The following XRCC5 variants were observed in gnomAD, a reference collection of about 807,000 sequenced individuals.
The protein encoded by XRCC5 is DNA repair protein Ku80.
Under a neutral mutation model 95.7 loss-of-function variants are expected in XRCC5, and 12 were observed. The observed-to-expected ratio is 0.13, with a 90% CI of 0.08 to 0.20. The LOEUF is 0.20. Ranked by LOEUF, XRCC5 falls within the 10% of genes least tolerant of loss-of-function variation. The pLI is 1.00. For synonymous variants in XRCC5, 281 were observed against 290.3 expected (o/e 0.97, Z 0.33); for missense variants, 595 against 873.9 (o/e 0.68, Z 4.02).
At chr2:216,161,628 C>T (rs1034622546) in intron 15 of XRCC5, among the ~76,000 whole-genome samples, 2 of 152,222 alleles carry the variant, frequency 1.3e-5, no homozygotes, top group African/African-American at 2.4e-5. Flanking sequence ...GCAGAATCCT[C>T]GGCTTTCTAA....
chr2:216,175,149 A>C, intron 16 of XRCC5: 1 of 339,384 alleles, frequency 2.9e-6, no homozygotes. Context: ...TGTGGTTTTC[A>C]TATCCTGGTT....
At chr2:216,185,444 T>G (rs1309248432) in intron 16 of XRCC5, among the ~76,000 whole-genome samples, 1 of 152,260 alleles carries the variant, frequency 6.6e-6, no homozygotes, top group African/African-American at 2.4e-5. Context: ...TTTATAAGTT[T>G]CTGGCTTAAA....
Position 216,196,549 on chromosome 2 carries a change from T to G in XRCC5, c.2109+1563T>G, listed in dbSNP as rs149088562. ...ATGCACATACACACACACATATATA[T>G]AGAGAGAGAGATTTATTGGCTGAAT... On this transcript the variant is annotated intron_variant, in intron 19 of 20. Transcript: ENST00000392132. Among the ~76,000 whole-genome samples the G allele has an allele frequency of 2.5e-3, 388 of 152,274 alleles. 1 individual carries two copies. The highest frequency in any genetic ancestry group is 6.8e-3 in the Middle Eastern group (2 of 294).
At chr2:216,201,235 A>T (rs958092221) in intron 19 of XRCC5, among the ~76,000 whole-genome samples, 2 of 152,192 alleles carry the variant, frequency 1.3e-5, no homozygotes, top group Non-Finnish European at 2.9e-5. Context: ...CATTAATGAA[A>T]CCCAAATATA....
chr2:216,136,094 C>T (rs929403599), intron 10 of XRCC5, among the ~76,000 whole-genome samples: 2 of 152,046 alleles, frequency 1.3e-5, no homozygotes, highest in Non-Finnish European at 2.9e-5. Context: ...CGGTGGCTCA[C>T]GCCTGTAATC....
At chr2:216,183,938 G>A (rs1574483176) in intron 16 of XRCC5, among the ~76,000 whole-genome samples, 1 of 151,728 alleles carries the variant, frequency 6.6e-6, no homozygotes, top group Non-Finnish European at 1.5e-5. Context: ...CATGCAACTA[G>A]AAAACAAGAA....
chr2:216,187,471 TG>T (rs1689516938), intron 16 of XRCC5, among the ~76,000 whole-genome samples: 1 of 48,200 alleles, frequency 2.1e-5, no homozygotes, highest in Non-Finnish European at 4.2e-5. Flanking sequence ...AGCAACTGTG[TG>T]TGTGTGTGTG....
At chr2:216,118,077 A>G (rs1191734923) in intron 4 of XRCC5, among the ~76,000 whole-genome samples, 1 of 152,198 alleles carries the variant, frequency 6.6e-6, no homozygotes, top group African/African-American at 2.4e-5. Context: ...AGGAATTTTA[A>G]AAAACACTAA....
At chr2:216,121,686 C>T (rs754388072) in intron 5 of XRCC5, among the ~76,000 whole-genome samples, 21 of 151,984 alleles carry the variant, frequency 1.4e-4, no homozygotes, top group African/African-American at 3.1e-4. Context: ...TTGGGGGACA[C>T]GTGTAGACCA....
intron 12 of XRCC5, among the ~76,000 whole-genome samples, chr2:216,140,453 T>C (rs1248260542): frequency 1.3e-5 from 2 of 152,220 alleles, no homozygotes; most frequent in African/African-American, 4.8e-5. Flanking sequence ...CTTTCGTCCA[T>C]ATTGCTTTGG....
chr2:216,117,521 CTTTTGTTTATA>C, intron 3 of XRCC5: 1 of 490,818 alleles, frequency 2.0e-6, no homozygotes, highest in South Asian at 3.7e-5. Flanking sequence ...GTTAGATTAC[CTTTTGTTTATA>C]TTTCTTGGTT....
At chr2:216,150,000 T>C (rs767559350) in intron 14 of XRCC5, among the ~76,000 whole-genome samples, 11 of 152,196 alleles carry the variant, frequency 7.2e-5, no homozygotes, top group Non-Finnish European at 1.3e-4. Context: ...TTAGCAAATA[T>C]TGAGTACCAC....
chr2:216,200,815 A>G (rs999697271), intron 19 of XRCC5, among the ~76,000 whole-genome samples: 2 of 152,100 alleles, frequency 1.3e-5, no homozygotes, highest in African/African-American at 4.8e-5. Context: ...CTATGTAGTA[A>G]TCCCTTTTAT....
At chr2:216,190,458 G>T (rs530673897) in intron 17 of XRCC5, 124 bp downstream of exon 17, 17 of 692,292 alleles carry the variant, frequency 2.5e-5, no homozygotes, top group Middle Eastern at 5.0e-4. Flanking sequence ...ATGAATAGCA[G>T]TGTATGCCAG....
intron 13 of XRCC5, among the ~76,000 whole-genome samples, chr2:216,146,823 C>T (rs1688644578): frequency 6.6e-6 from 1 of 152,120 alleles, no homozygotes; most frequent in Non-Finnish European, 1.5e-5. Context: ...CTTGGTGTTG[C>T]TTCTTGACAC....
chr2:216,154,664 G>A (rs936842306), intron 14 of XRCC5, among the ~76,000 whole-genome samples: 2 of 152,208 alleles, frequency 1.3e-5, no homozygotes, highest in African/African-American at 4.8e-5. Flanking sequence ...GACAGAGAGT[G>A]CAGTGAACTC....
At chr2:216,178,346 C>T (rs1689317056) in intron 16 of XRCC5, among the ~76,000 whole-genome samples, 1 of 152,154 alleles carries the variant, frequency 6.6e-6, no homozygotes, top group Non-Finnish European at 1.5e-5. Context: ...TTATTGTCTC[C>T]CTCCCTTTGA....
At chr2:216,111,435 G>C (rs777941534) in intron 1 of XRCC5, 1 of 447,782 alleles carries the variant, frequency 2.2e-6, no homozygotes, top group Non-Finnish European at 4.5e-6. Flanking sequence ...GAGGTAGCGG[G>C]ATCACTTGAG....
chr2:216,198,552 T>C (rs1689776171), intron 19 of XRCC5, among the ~76,000 whole-genome samples: 1 of 151,436 alleles, frequency 6.6e-6, no homozygotes, highest in African/African-American at 2.4e-5. Context: ...TTTATTTATT[T>C]ATTTATTTAT....
Sources: allele counts gnomAD v4.1 joint callset (sites outside exome capture counted in the v4.1 genomes callset), GRCh38; gene constraint gnomAD v4.1.1; transcripts MANE v1.5; gene names NCBI Gene and HGNC (gene_info 2026-07-23, HGNC 2026-07-21).